The following CYP19A1 variants were observed in gnomAD, a reference collection of about 807,000 sequenced individuals.
CYP19A1 encodes the protein aromatase.
A neutral mutation model predicts 44.4 loss-of-function variants in CYP19A1; 32 were observed. That is an observed-to-expected ratio of 0.72 (90% confidence interval 0.54 to 0.97). The LOEUF is 0.97. Ranked by LOEUF, CYP19A1 falls within the 50% of genes least tolerant of loss-of-function variation. The pLI is 0.00. For synonymous variants in CYP19A1, 212 were observed against 215.6 expected (o/e 0.98, Z 0.14); for missense variants, 598 against 637.8 (o/e 0.94, Z 0.67).
chr15:51,256,736 A>T (rs2034530426), intron 1 of CYP19A1, among the ~76,000 whole-genome samples: 2 of 152,190 alleles, frequency 1.3e-5, no homozygotes, highest in Admixed American at 1.3e-4. Flanking sequence ...TCCATAAAAC[A>T]CCTAACACAA....
At chr15:51,266,952 T>C (rs1008152966) in intron 1 of CYP19A1, among the ~76,000 whole-genome samples, 5 of 152,174 alleles carry the variant, frequency 3.3e-5, no homozygotes, top group African/African-American at 9.7e-5. Flanking sequence ...TTTCACCAAA[T>C]TGAGACCCTC....
chr15:51,294,813 G>A (rs1309491218), intron 1 of CYP19A1, among the ~76,000 whole-genome samples: 1 of 152,070 alleles, frequency 6.6e-6, no homozygotes, highest in African/African-American at 2.4e-5. Context: ...CACCCCGTCT[G>A]GGAGGTGTAC....
At chr15:51,337,800 A>G (rs1440245695) in intron 1 of CYP19A1, 2 of 152,374 alleles carry the variant, frequency 1.3e-5, no homozygotes, top group African/African-American at 2.4e-5. Context: ...AGGGTGAGAG[A>G]TGAGTGAAGA....
chr15:51,318,245 G>T (rs1195971233), intron 1 of CYP19A1, among the ~76,000 whole-genome samples: 1 of 152,136 alleles, frequency 6.6e-6, no homozygotes, highest in East Asian at 1.9e-4. Context: ...AGGTGAATAT[G>T]AAGAAACTGA....
At position 51,264,381 on chromosome 15, in the gene CYP19A1, G is replaced by T. The variant is rs139178268; in HGVS notation, c.-38-21431C>A. On this transcript the variant is annotated intron_variant, in intron 1 of 9. Transcript: ENST00000396402. Reference sequence around the variant, plus strand: ...TACTTAGAATGATGGCAGGAGTCGGGGGGGAGGGTAAGACCCCGAGAAAGA... The same window carrying T: ...TACTTAGAATGATGGCAGGAGTCGGTGGGGAGGGTAAGACCCCGAGAAAGA... Among the ~76,000 whole-genome samples the T allele has an allele frequency of 4.3e-4, 65 of 152,282 alleles. No individual in the cohort carries two copies. The East Asian group carries it at 7.1e-3, about 17-fold the overall frequency.
rs2141042287 is a variant in CYP19A1, at chr15:51,215,227, A to G, written c.864T>C (p.Arg288=). Residue 288 remains arginine (R), a synonymous_variant, in exon 8 of 10, where the codon CGT becomes CGC. Coordinates refer to ENST00000396402, the MANE Select transcript of CYP19A1 (RefSeq NM_000103.4). Reference sequence around the variant, plus strand: ...TCACATTCTCTCTTGTCAGGTCACCACGTTTCTGAACAATTGGAAGATGGG... The same window carrying G: ...TCACATTCTCTCTTGTCAGGTCACCGCGTTTCTGAACAATTGGAAGATGGG... The part of the protein sequence containing the change: ...FATELILAEK[R]GDLTRENVNQ... 6.2e-7 allele frequency: 1 copy of G among 1,614,078 alleles called. No individual in the cohort carries two copies. The highest frequency in any genetic ancestry group is 1.1e-5 in the South Asian group (1 of 91,078).
At chr15:51,307,204 C>G (rs1188951036) in intron 1 of CYP19A1, among the ~76,000 whole-genome samples, 1 of 152,050 alleles carries the variant, frequency 6.6e-6, no homozygotes, top group Non-Finnish European at 1.5e-5. Context: ...TGGCAGGGAG[C>G]CTGGTGAGAG....
At chr15:51,335,305 G>A (rs575152443) in intron 1 of CYP19A1, among the ~76,000 whole-genome samples, 4 of 152,292 alleles carry the variant, frequency 2.6e-5, no homozygotes, top group East Asian at 1.9e-4. Context: ...CTAAGACACT[G>A]CTACTACGAT....
chr15:51,266,098 A>C (rs573058112), intron 1 of CYP19A1, among the ~76,000 whole-genome samples: 1 of 152,350 alleles, frequency 6.6e-6, no homozygotes, highest in East Asian at 1.9e-4. Context: ...GCCCAGAGCC[A>C]ACTGAGGAAA....
chr15:51,276,769 G>A (rs1296171040), intron 1 of CYP19A1, among the ~76,000 whole-genome samples: 3 of 152,140 alleles, frequency 2.0e-5, no homozygotes. Flanking sequence ...GCCTGAAGTC[G>A]GTAGCAGTAA....
At chr15:51,293,393 C>A (rs1257696165) in intron 1 of CYP19A1, among the ~76,000 whole-genome samples, 2 of 152,238 alleles carry the variant, frequency 1.3e-5, no homozygotes, top group Non-Finnish European at 2.9e-5. Context: ...GACCAGACTA[C>A]AAGAGGTTAA....
intron 2 of CYP19A1, 137 bp downstream of exon 2, chr15:51,242,631 A>C (rs944566430): frequency 1.2e-5 from 8 of 674,962 alleles, no homozygotes; most frequent in Non-Finnish European, 1.9e-5. Flanking sequence ...CCAAGTCCTC[A>C]TTTGCTAACA....
intron 1 of CYP19A1, among the ~76,000 whole-genome samples, chr15:51,293,051 T>TG (rs2140989923): frequency 6.6e-6 from 1 of 150,774 alleles, no homozygotes; most frequent in East Asian, 2.0e-4. Flanking sequence ...GGCCGAGCTG[T>TG]GGGAACAAGG....
At chr15:51,236,692 A>G (rs1335400474) in intron 3 of CYP19A1, among the ~76,000 whole-genome samples, 167 bp downstream of exon 3, 1 of 152,218 alleles carries the variant, frequency 6.6e-6, no homozygotes, top group African/African-American at 2.4e-5. Flanking sequence ...GCAAAACCCA[A>G]TTATTCTGTT....
In CYP19A1 at chr15:51,295,209, G is replaced by C. The variant is rs1243329075; in HGVS notation, c.-39+43286C>G. Among the ~76,000 whole-genome samples the C allele has an allele frequency of 1.0e-4, 15 of 149,654 alleles. 1 individual carries two copies. The highest frequency in any genetic ancestry group is 9.4e-4 in the Admixed American group (14 of 14,928). On this transcript the variant is annotated intron_variant, in intron 1 of 9. Coordinates refer to ENST00000396402, the MANE Select transcript of CYP19A1 (RefSeq NM_000103.4). ...ACAATAGAATTTTTTGTGAAGCACT[G>C]CTGAAGGCTTTTTACTCCAAGAAGG...
intron 1 of CYP19A1, among the ~76,000 whole-genome samples, chr15:51,268,842 G>A (rs2035023414): frequency 6.6e-6 from 1 of 151,896 alleles, no homozygotes; most frequent in Non-Finnish European, 1.5e-5. Context: ...GAACTTACTG[G>A]CCATTCATAT....
intron 1 of CYP19A1, among the ~76,000 whole-genome samples, chr15:51,268,530 C>CCCT (rs1401890643): frequency 1.6e-5 from 2 of 125,724 alleles, no homozygotes; most frequent in African/African-American, 5.8e-5. Context: ...CCCCCCCCCC[C>CCCT]TTTTTTTTTG....
At chr15:51,328,719 A>C (rs1203871049) in intron 1 of CYP19A1, among the ~76,000 whole-genome samples, 2 of 152,172 alleles carry the variant, frequency 1.3e-5, no homozygotes, top group African/African-American at 2.4e-5. Flanking sequence ...TATTTGGTCA[A>C]ACATTTTTCT....
Position 51,212,423 on chromosome 15 carries a change from G to C in CYP19A1, c.1160C>G (p.Pro387Arg), listed in dbSNP as rs758773370. The C allele has an allele frequency of 1.9e-6, 3 of 1,606,330 alleles. No homozygotes were observed. The highest frequency in any genetic ancestry group is 1.3e-5 in the African/African-American group (1 of 74,760). The part of the protein sequence containing the change: ...ALEDDVIDGY[P>R]VKKGTNIILN... ...GATAATGTTTGTCCCCTTTTTCACT[G>C]GGTAGCCATCGATTACATCATCTTC... Residue 387 changes from proline (P) to arginine (R), a missense_variant, in exon 9 of 10, where the codon CCA (proline) becomes CGA (arginine). Transcript: ENST00000396402.
Sources: allele counts gnomAD v4.1 joint callset (sites outside exome capture counted in the v4.1 genomes callset), GRCh38; gene constraint gnomAD v4.1.1; transcripts MANE v1.5; gene names NCBI Gene and HGNC (gene_info 2026-07-23, HGNC 2026-07-21).